The following NDST3 variants were observed in gnomAD, a reference collection of about 807,000 sequenced individuals.
NDST3 encodes N-deacetylase and N-sulfotransferase 3, also known as bifunctional heparan sulfate N-deacetylase/N-sulfotransferase 3.
NDST3 carries 58 observed loss-of-function variants against 96.1 expected under a neutral mutation model. That is an observed-to-expected ratio of 0.60 (90% confidence interval 0.49 to 0.75). NDST3 has a LOEUF of 0.75. Ranked by LOEUF, NDST3 falls within the 30% of genes least tolerant of loss-of-function variation. NDST3 has a pLI of 0.00. For synonymous variants in NDST3, 333 were observed against 359.7 expected (o/e 0.93, Z 0.84); for missense variants, 788 against 1,034.2 (o/e 0.76, Z 3.27).
chr4:118,161,282 T>A (rs983687667), intron 6 of NDST3, among the ~76,000 whole-genome samples: 12 of 152,166 alleles, frequency 7.9e-5, no homozygotes, highest in African/African-American at 2.4e-4. Flanking sequence ...CTGCCCCTAC[T>A]GGGGGATGCC....
chr4:118,200,029 C>T (rs921452177), intron 6 of NDST3, among the ~76,000 whole-genome samples: 2 of 152,194 alleles, frequency 1.3e-5, no homozygotes, highest in African/African-American at 4.8e-5. Flanking sequence ...CCAAGCCCTG[C>T]TGTAACCACT....
At position 118,254,010 on chromosome 4, in the gene NDST3, G is replaced by A. The variant is rs181709137; in HGVS notation, c.2502+409G>A. 7.9e-5 allele frequency among the ~76,000 whole-genome samples: 12 copies of A among 152,260 alleles called. No homozygotes were observed. The South Asian group carries it at 2.3e-3, about 29-fold the overall frequency. On this transcript the variant is annotated intron_variant, in intron 13 of 13. Coordinates refer to ENST00000296499, the MANE Select transcript of NDST3 (RefSeq NM_004784.3). ...AATCTCAGCACTTTGGAAGGCCGAC[G>A]TGGGTGGATCACTTGAGGTCAGGAG...
intron 2 of NDST3, among the ~76,000 whole-genome samples, chr4:118,091,918 T>C (rs1391701680): frequency 6.6e-6 from 1 of 151,780 alleles, no homozygotes; most frequent in Non-Finnish European, 1.5e-5. Context: ...TACATACTTA[T>C]GATGACTTTA....
At chr4:118,043,712 G>A in intron 1 of NDST3, among the ~76,000 whole-genome samples, 1 of 152,186 alleles carries the variant, frequency 6.6e-6, no homozygotes, top group East Asian at 1.9e-4. Flanking sequence ...AGTTTTCAGA[G>A]CTAACAGAAA....
At chr4:118,059,095 G>C (rs1212047355) in intron 2 of NDST3, among the ~76,000 whole-genome samples, 1 of 151,972 alleles carries the variant, frequency 6.6e-6, no homozygotes, top group African/African-American at 2.4e-5. Context: ...CTCTCTCTTT[G>C]ATTTCTGTAA....
intron 6 of NDST3, among the ~76,000 whole-genome samples, chr4:118,189,026 A>G (rs1737138988): frequency 6.6e-6 from 1 of 152,118 alleles, no homozygotes. Context: ...ATAATTTTAG[A>G]ACATATATTA....
At chr4:118,165,058 G>A (rs961896430) in intron 6 of NDST3, among the ~76,000 whole-genome samples, 3 of 151,986 alleles carry the variant, frequency 2.0e-5, no homozygotes, top group African/African-American at 7.3e-5. Flanking sequence ...TAACAAAATG[G>A]TAATAGTAAG....
chr4:118,111,297 TC>T (rs1170542936), intron 3 of NDST3, among the ~76,000 whole-genome samples: 1 of 151,970 alleles, frequency 6.6e-6, no homozygotes, highest in East Asian at 1.9e-4. Context: ...AACCTGCATG[TC>T]CCCCCGAATC....
chr4:118,082,463 C>T (rs1488060110), intron 2 of NDST3, among the ~76,000 whole-genome samples: 2 of 152,158 alleles, frequency 1.3e-5, no homozygotes, highest in Non-Finnish European at 2.9e-5. Context: ...CAGATGATAC[C>T]TGCACATACA....
chr4:118,213,670 C>G (rs573256517), intron 6 of NDST3, among the ~76,000 whole-genome samples: 2 of 150,268 alleles, frequency 1.3e-5, no homozygotes, highest in South Asian at 4.2e-4. Context: ...TCAAGTTATA[C>G]CATACATTAA....
chr4:118,173,276 T>C (rs186938680), intron 6 of NDST3, among the ~76,000 whole-genome samples: 8 of 152,108 alleles, frequency 5.3e-5, no homozygotes, highest in Non-Finnish European at 1.0e-4. Context: ...AGAAGTTGCA[T>C]AATTGGACCA....
chr4:118,125,088 C>G (rs1731935675), intron 4 of NDST3, among the ~76,000 whole-genome samples: 1 of 152,090 alleles, frequency 6.6e-6, no homozygotes, highest in Non-Finnish European at 1.5e-5. Flanking sequence ...ACCCTAAGAT[C>G]AGGCTGATAT....
intron 6 of NDST3, among the ~76,000 whole-genome samples, chr4:118,174,190 G>C (rs1578767622): frequency 6.6e-6 from 1 of 152,134 alleles, no homozygotes; most frequent in Non-Finnish European, 1.5e-5. Context: ...TCCTGTGTAG[G>C]CTGGAAACTG....
At position 118,074,157 on chromosome 4, in the gene NDST3, G is replaced by GT. The variant is rs371308366; in HGVS notation, c.981+19273dup. 3.3e-5 allele frequency among the ~76,000 whole-genome samples: 5 copies of GT among 152,136 alleles called. No individual in the cohort carries two copies. The South Asian group carries it at 8.3e-4, about 25-fold the overall frequency. On this transcript the variant is annotated intron_variant, in intron 2 of 13. Coordinates refer to ENST00000296499, the MANE Select transcript of NDST3 (RefSeq NM_004784.3). ...TGACAGTTTGGTTGGTATGATTTCA[G>GT]TTTTTTTAAATCTGCTGAGAATTGT...
chr4:118,240,947 G>T lies in NDST3; in HGVS notation c.2289+253G>T, dbSNP rs993295133. Among the ~76,000 whole-genome samples, 84 of 152,190 alleles carry T rather than the reference G, an allele frequency of 5.5e-4. 1 individual carries two copies. The highest frequency in any genetic ancestry group is 2.0e-3 in the African/African-American group (81 of 41,448). ...ATTGTAAAAAGCTTTGAAAGCTTTAGATACGATTCTTATCCTGAGAATAAA... is the reference window on the plus strand; with the variant it reads ...ATTGTAAAAAGCTTTGAAAGCTTTATATACGATTCTTATCCTGAGAATAAA... On this transcript the variant is annotated intron_variant, in intron 11 of 13. Transcript: ENST00000296499.
At chr4:118,103,439 A>G (rs1240970474) in intron 2 of NDST3, among the ~76,000 whole-genome samples, 2 of 152,150 alleles carry the variant, frequency 1.3e-5, no homozygotes. Context: ...GGAAGATATT[A>G]TAATTGTCAG....
intron 6 of NDST3, among the ~76,000 whole-genome samples, chr4:118,145,921 G>A (rs1317707587): frequency 6.6e-6 from 1 of 152,148 alleles, no homozygotes; most frequent in African/African-American, 2.4e-5. Flanking sequence ...TACTCACCTG[G>A]AAACAAAAGG....
At chr4:118,070,271 A>C (rs1481347230) in intron 2 of NDST3, among the ~76,000 whole-genome samples, 1 of 152,124 alleles carries the variant, frequency 6.6e-6, no homozygotes, top group Non-Finnish European at 1.5e-5. Flanking sequence ...AATTGACTTG[A>C]GCAGAGTAAT....
At chr4:118,049,815 A>G (rs1212555258) in intron 1 of NDST3, among the ~76,000 whole-genome samples, 1 of 151,982 alleles carries the variant, frequency 6.6e-6, no homozygotes, top group Non-Finnish European at 1.5e-5. Context: ...ACTAAAATGA[A>G]CTGGTACCAA....
Sources: allele counts gnomAD v4.1 joint callset (sites outside exome capture counted in the v4.1 genomes callset), GRCh38; gene constraint gnomAD v4.1.1; transcripts MANE v1.5; gene names NCBI Gene and HGNC (gene_info 2026-07-23, HGNC 2026-07-21).